The following PC variants were observed in gnomAD, a reference collection of about 807,000 sequenced individuals.
PC encodes the protein pyruvate carboxylase, mitochondrial.
PC carries 46 observed loss-of-function variants against 107.8 expected under a neutral mutation model. The observed-to-expected ratio is 0.43, with a 90% CI of 0.34 to 0.55. The LOEUF (loss-of-function observed/expected upper bound fraction) is 0.55. Ranked by LOEUF, PC falls within the 20% of genes least tolerant of loss-of-function variation. The probability of loss-of-function intolerance (pLI) is 0.04; values close to 1 mark genes in which losing one functional copy is unlikely to be tolerated. For synonymous variants in PC, 662 were observed against 684.7 expected (o/e 0.97, Z 0.52); for missense variants, 1,241 against 1,643.1 (o/e 0.76, Z 4.23).
chr11:66,947,355 G>A (rs372728243), intron 3 of PC, among the ~76,000 whole-genome samples: 7 of 151,922 alleles, frequency 4.6e-5, no homozygotes, highest in African/African-American at 1.2e-4. Flanking sequence ...AGGCCGAGGC[G>A]GGAGGATCAC....
intron 3 of PC, among the ~76,000 whole-genome samples, chr11:66,922,349 C>A (rs117996675): frequency 6.6e-6 from 1 of 151,582 alleles, no homozygotes. Flanking sequence ...CTGGGGCGGG[C>A]GAATCACTTG....
intron 3 of PC, among the ~76,000 whole-genome samples, chr11:66,918,089 G>A (rs1948506112): frequency 6.6e-6 from 1 of 152,154 alleles, no homozygotes; most frequent in Admixed American, 6.5e-5. Context: ...ACAGCAAATA[G>A]AATCCTTTTT....
chr11:66,947,394 T>C (rs553862255), intron 3 of PC, among the ~76,000 whole-genome samples: 1 of 150,294 alleles, frequency 6.7e-6, no homozygotes, highest in Non-Finnish European at 1.5e-5. Context: ...CCATTCTGGC[T>C]AACACAGTGA....
At chr11:66,897,077 G>A (rs1425607071) in intron 3 of PC, among the ~76,000 whole-genome samples, 5 of 151,970 alleles carry the variant, frequency 3.3e-5, no homozygotes, top group Admixed American at 3.3e-4. Context: ...GATTACAGGC[G>A]CGCACCACCA....
chr11:66,890,800 C>T (rs1185978667), intron 3 of PC, among the ~76,000 whole-genome samples: 2 of 151,976 alleles, frequency 1.3e-5, no homozygotes, highest in Non-Finnish European at 2.9e-5. Context: ...CCACCTCCCC[C>T]GCCGCGGTTG....
intron 3 of PC, among the ~76,000 whole-genome samples, chr11:66,951,901 G>GA (rs961475924): frequency 2.6e-4 from 37 of 144,356 alleles, no homozygotes; most frequent in Admixed American, 5.5e-4. Context: ...AAAAAAAAAA[G>GA]AAAAAAAAAA....
rs1945382444 is a variant in PC at position 66,850,068 on chromosome 11, G to C, written c.2767C>G (p.Gln923Glu). ...GCCTCTGCCCGGCTCAATCCATTCT[G>C]CACCATAAACTGGGCCAGGTCCCCC... ...IVGDLAQFMV[Q>E]NGLSRAEAEA... The change falls in exon 20 of 23, where the codon CAG (glutamine) becomes GAG (glutamate). Residue 923 changes from glutamine to glutamate, a missense_variant. Gln to Glu is a conservative substitution (Grantham distance 29, BLOSUM62 2). Coordinates refer to ENST00000393960, the MANE Select transcript of PC (RefSeq NM_001040716.2). 1.5e-5 allele frequency: 24 copies of C among 1,613,728 alleles called. No homozygotes were observed. The highest frequency in any genetic ancestry group is 1.9e-5 in the Non-Finnish European group (23 of 1,180,042).
At chr11:66,956,900 A>C (rs6591228) in intron 1 of PC, among the ~76,000 whole-genome samples, 24,921 of 152,124 alleles carry the variant, frequency 0.16, 2,448 homozygotes, top group African/African-American at 0.26. Flanking sequence ...GGTTTTGTTT[A>C]TTTTCTCTCT....
chr11:66,855,550 C>T (rs141056634), intron 12 of PC, among the ~76,000 whole-genome samples: 76 of 152,316 alleles, frequency 5.0e-4, no homozygotes, highest in African/African-American at 1.6e-3. Flanking sequence ...CCACCCGCCT[C>T]GGCCTCCCAA....
intron 3 of PC, among the ~76,000 whole-genome samples, chr11:66,932,635 C>G (rs770510844): frequency 6.6e-6 from 1 of 152,124 alleles, no homozygotes; most frequent in African/African-American, 2.4e-5. Context: ...TTAATCTGGC[C>G]CTGGGGGGAA....
Position 66,858,881 on chromosome 11 carries a change from C to A in PC, c.1368+4893G>T, listed in dbSNP as rs367902341. The A allele has an allele frequency of 1.3e-6, 2 of 1,553,424 alleles. No homozygotes were observed. Among genetic ancestry groups the A allele is most frequent in the South Asian group, 1.2e-5 (1 of 85,590 alleles). On this transcript the variant is annotated intron_variant, in intron 12 of 22. Transcript: ENST00000393960. The surrounding 1 kb of genome is among the most constrained non-coding windows in gnomAD (Gnocchi z 5.9). ...TGCCCCATGGTGGGAACAGCAGTGC[C>A]GAGGGGGGCCGCCCCGGGCCCTCGG...
intron 3 of PC, among the ~76,000 whole-genome samples, chr11:66,913,195 T>C (rs1480771243): frequency 6.6e-6 from 1 of 151,786 alleles, no homozygotes; most frequent in Non-Finnish European, 1.5e-5. Context: ...AATAGGCCCT[T>C]ATGCTCTTTT....
chr11:66,934,920 T>C lies in PC; in HGVS notation c.-1+17510A>G, dbSNP rs543841102. Among the ~76,000 whole-genome samples the C allele has an allele frequency of 1.2e-4, 18 of 152,322 alleles. No individual in the cohort carries two copies. In the South Asian group the frequency reaches 2.7e-3, roughly 23 times the overall value. On this transcript the variant is annotated intron_variant, in intron 3 of 22. Coordinates refer to ENST00000393960, the MANE Select transcript of PC (RefSeq NM_001040716.2). ...GCGCCCAGCCCCCTGTGTATGTTTA[T>C]GCATTTAGCATCTCACCTGGCACAG... is the stretch of plus-strand genomic sequence containing the variant.
intron 3 of PC, among the ~76,000 whole-genome samples, chr11:66,909,557 G>A (rs768730032): frequency 1.3e-5 from 2 of 152,180 alleles, no homozygotes; most frequent in Non-Finnish European, 2.9e-5. Flanking sequence ...TCACCACCAC[G>A]TGTCCTATTT....
rs541436592 is a variant in PC, at chr11:66,855,808, A to G, written c.1369-2425T>C. On this transcript the variant is annotated intron_variant, in intron 12 of 22. Transcript: ENST00000393960. ...TCTCGCCCCTAGGAAATGCTTATGT[A>G]TGTACCATCCAACTCTCCTGGCCTA... Among the ~76,000 whole-genome samples, 3 of 152,268 alleles carry G rather than the reference A, an allele frequency of 2.0e-5. No individual in the cohort carries two copies. In the South Asian group the frequency reaches 6.2e-4, roughly 32 times the overall value.
intron 3 of PC, among the ~76,000 whole-genome samples, chr11:66,945,422 G>GT (rs113748384): frequency 1.0e-5 from 1 of 97,308 alleles, no homozygotes; most frequent in Non-Finnish European, 2.1e-5. Context: ...ATGGTTTGGG[G>GT]GGGCGGGTCG....
chr11:66,915,709 T>A (rs1328616841), intron 3 of PC, among the ~76,000 whole-genome samples: 3 of 152,150 alleles, frequency 2.0e-5, no homozygotes, highest in African/African-American at 7.2e-5. Context: ...AGAGGTGGCA[T>A]GCCAGGTTCC....
intron 3 of PC, among the ~76,000 whole-genome samples, chr11:66,924,951 TC>T (rs1303397998): frequency 2.0e-5 from 3 of 152,090 alleles, no homozygotes; most frequent in Admixed American, 6.6e-5. Flanking sequence ...AAGCTGGGTG[TC>T]CAGGGGAGAC....
chr11:66,860,706 C>A, intron 12 of PC: 2 of 700,814 alleles, frequency 2.9e-6, no homozygotes, highest in South Asian at 1.5e-5. Flanking sequence ...GGCCTACCCT[C>A]GCCTGTAAGT....
Sources: gnomAD v4.1 joint callset for allele counts (sites outside exome capture counted in the v4.1 genomes callset) on GRCh38, gnomAD v4.1.1 for gene constraint, Gnocchi (gnomAD v3.1) non-coding constraint, MANE v1.5 for transcripts, NCBI Gene and HGNC (gene_info 2026-07-23, HGNC 2026-07-21) for gene names.